The following MAP3K7CL variants were observed in gnomAD, a reference collection of about 807,000 sequenced individuals.
MAP3K7CL encodes the protein MAP3K7 C-terminal-like protein.
Under a neutral mutation model 18.6 loss-of-function variants are expected in MAP3K7CL, and 16 were observed. The observed-to-expected ratio is 0.86, with a 90% CI of 0.58 to 1.31. The LOEUF (loss-of-function observed/expected upper bound fraction) is 1.31, where lower values mean the gene tolerates loss of function less well. Among genes scored for constraint, MAP3K7CL ranks in the 50% most tolerant of loss-of-function variants. The probability of loss-of-function intolerance (pLI) is 0.00; values close to 1 mark genes in which losing one functional copy is unlikely to be tolerated. For missense variants in MAP3K7CL, 163 were observed against 174.4 expected, an observed-to-expected ratio of 0.93 and a Z score of 0.37; for synonymous variants, 65 against 66.8, an observed-to-expected ratio of 0.97 and a Z score of 0.13.
At chr21:29,168,493 A>G (rs2087746785) in intron 4 of MAP3K7CL, among the ~76,000 whole-genome samples, 1 of 152,166 alleles carries the variant, frequency 6.6e-6, no homozygotes, top group African/African-American at 2.4e-5. Context: ...CTTTCATTTT[A>G]GTACTTAGGT....
intron 1 of MAP3K7CL, 46 bp from the exon 2 acceptor site, chr21:29,133,260 G>A (rs1568953426): frequency 4.2e-6 from 6 of 1,437,326 alleles, no homozygotes; most frequent in Non-Finnish European, 5.7e-6. Context: ...GTATTTAGGG[G>A]GATGATGCTG....
chr21:29,081,562 A>AT (rs2085836063), upstream of MAP3K7CL, among the ~76,000 whole-genome samples: 1 of 152,244 alleles, frequency 6.6e-6, no homozygotes, highest in African/African-American at 2.4e-5. Context: ...CAAAAAAAAA[A>AT]AAATTGTTTA....
At chr21:29,125,807 G>A (rs545839130), upstream of MAP3K7CL, among the ~76,000 whole-genome samples, 2 of 152,310 alleles carry the variant, frequency 1.3e-5, no homozygotes, top group African/African-American at 2.4e-5. Context: ...CTGGGGTCAG[G>A]AGCGGAGGAA....
chr21:29,146,701 T>C (rs2087136113), intron 2 of MAP3K7CL, among the ~76,000 whole-genome samples: 1 of 152,184 alleles, frequency 6.6e-6, no homozygotes, highest in Non-Finnish European at 1.5e-5. Context: ...TTGTCTAGCA[T>C]AGGAGCAGAT....
chr21:29,171,806 CA>C lies in MAP3K7CL; in HGVS notation c.249-2883del, dbSNP rs34411156. 6.5e-3 allele frequency among the ~76,000 whole-genome samples: 544 copies of C among 83,156 alleles called. 6 individuals are homozygous for C. The highest frequency in any genetic ancestry group is 0.023 in the Middle Eastern group (4 of 172). 54.6% of individuals were successfully genotyped at this position (83,156 alleles called of 152,430 possible). On this transcript the variant is annotated intron_variant, in intron 4 of 4. Transcript: ENST00000399928. ...TGGGTGACAGAGTGAGACTCCATCT[CA>C]AAAAAAAAAAAAAAAAAAAAAACAA...
intron 4 of MAP3K7CL, among the ~76,000 whole-genome samples, chr21:29,095,911 C>T (rs908551395): frequency 6.6e-6 from 1 of 152,132 alleles, no homozygotes; most frequent in African/African-American, 2.4e-5. Flanking sequence ...ACAATTAGGG[C>T]AGTGCCACTT....
chr21:29,080,883 A>C (rs889811927), upstream of MAP3K7CL, among the ~76,000 whole-genome samples: 2 of 152,000 alleles, frequency 1.3e-5, no homozygotes, highest in Non-Finnish European at 2.9e-5. Context: ...TGATTGTTAC[A>C]AAGCTAAAAA....
chr21:29,082,580 A>C (rs1483188743), upstream of MAP3K7CL, among the ~76,000 whole-genome samples: 1 of 152,164 alleles, frequency 6.6e-6, no homozygotes, highest in Non-Finnish European at 1.5e-5. Context: ...TCATGAAAGT[A>C]GAGGGTGCCA....
At chr21:29,155,937 C>T (rs2087394263) in intron 3 of MAP3K7CL, among the ~76,000 whole-genome samples, 1 of 152,186 alleles carries the variant, frequency 6.6e-6, no homozygotes, top group Non-Finnish European at 1.5e-5. Flanking sequence ...GATACGATGG[C>T]AGGGAGTGCA....
rs1336146441 is a variant in MAP3K7CL, at chr21:29,171,383, C to G, written c.249-3329C>G. 2.0e-5 allele frequency among the ~76,000 whole-genome samples: 3 copies of G among 152,214 alleles called. No individual in the cohort carries two copies. In the East Asian group the frequency reaches 5.8e-4, roughly 29 times the overall value. On this transcript the variant is annotated intron_variant, in intron 4 of 4. Transcript: ENST00000399928. ...AACATCTGGTTTTGCTCAGTGGACACCAAAGTGGGTATCCAAGGCAGGCCA... is the reference window on the plus strand; with the variant it reads ...AACATCTGGTTTTGCTCAGTGGACAGCAAAGTGGGTATCCAAGGCAGGCCA...
In MAP3K7CL at chr21:29,169,793, A is replaced by C. The variant is rs144181734; in HGVS notation, c.249-4919A>C. Among the ~76,000 whole-genome samples the C allele has an allele frequency of 1.3e-4, 20 of 152,328 alleles. No individual in the cohort carries two copies. The East Asian group carries it at 3.1e-3, about 23-fold the overall frequency. ...GTTTGAAAGTTTTCTTAACCAATTGACTTGGACTTTCCCTTCCCCTATTTG... is the reference window on the plus strand; with the variant it reads ...GTTTGAAAGTTTTCTTAACCAATTGCCTTGGACTTTCCCTTCCCCTATTTG... On this transcript the variant is annotated intron_variant, in intron 4 of 4. Transcript: ENST00000399928.
intron 4 of MAP3K7CL, among the ~76,000 whole-genome samples, chr21:29,111,940 G>A (rs1301746239): frequency 1.3e-5 from 2 of 152,142 alleles, no homozygotes; most frequent in Non-Finnish European, 2.9e-5. Context: ...TCCAAACCCA[G>A]ACTTTGTATT....
At chr21:29,111,500 A>C (rs998865067) in intron 4 of MAP3K7CL, among the ~76,000 whole-genome samples, 1 of 152,116 alleles carries the variant, frequency 6.6e-6, no homozygotes, top group Non-Finnish European at 1.5e-5. Context: ...GTTTAGATCT[A>C]TCTTCTTGTC....
intron 3 of MAP3K7CL, among the ~76,000 whole-genome samples, chr21:29,156,474 A>C (rs996775580): frequency 9.2e-5 from 14 of 152,204 alleles, no homozygotes; most frequent in Non-Finnish European, 2.1e-4. Flanking sequence ...CTCCATTTTT[A>C]AACTGGAAAC....
intron 1 of MAP3K7CL, among the ~76,000 whole-genome samples, chr21:29,089,781 A>G (rs2085990117): frequency 6.6e-6 from 1 of 151,800 alleles, no homozygotes; most frequent in South Asian, 2.1e-4. Context: ...TCAAGAGTGA[A>G]AGCAAGAAAA....
At chr21:29,172,834 A>AC (rs530763546) in intron 4 of MAP3K7CL, among the ~76,000 whole-genome samples, 1,872 of 119,798 alleles carry the variant, frequency 0.016, 35 homozygotes, top group African/African-American at 0.051. Context: ...TTGATGAGCA[A>AC]CCCCCCCCTC....
intron 4 of MAP3K7CL, among the ~76,000 whole-genome samples, chr21:29,110,301 A>AC (rs2086397094): frequency 6.6e-6 from 1 of 152,226 alleles, no homozygotes; most frequent in South Asian, 2.1e-4. Context: ...ACTTTGAGGT[A>AC]CGTCTACTTT....
At chr21:29,134,602 A>G (rs1210105820) in intron 2 of MAP3K7CL, among the ~76,000 whole-genome samples, 2 of 152,182 alleles carry the variant, frequency 1.3e-5, no homozygotes, top group East Asian at 1.9e-4. Flanking sequence ...CTGCCGTTGT[A>G]CTGTGTCCTC....
At chr21:29,165,858 G>A (rs2087673933) in intron 4 of MAP3K7CL, among the ~76,000 whole-genome samples, 2 of 152,210 alleles carry the variant, frequency 1.3e-5, no homozygotes, top group South Asian at 4.1e-4. Flanking sequence ...CATGCGCCTG[G>A]CCAGTTTTAT....
Sources: gnomAD v4.1 joint callset for allele counts (sites outside exome capture counted in the v4.1 genomes callset) on GRCh38, gnomAD v4.1.1 for gene constraint, MANE v1.5 for transcripts, NCBI Gene and HGNC (gene_info 2026-07-23, HGNC 2026-07-21) for gene names.